Variants in TLL2 observed in about 807,000 individuals in gnomAD.
TLL2 encodes the protein tolloid like 2, also known as tolloid-like protein 2.
TLL2 carries 106 observed loss-of-function variants against 123.0 expected under a neutral mutation model. The observed-to-expected ratio is 0.86, with a 90% CI of 0.74 to 1.01. TLL2 has a LOEUF of 1.01. Ranked by LOEUF, TLL2 falls within the 50% of genes least tolerant of loss-of-function variation. The pLI is 0.00. For synonymous variants in TLL2, 494 were observed against 516.8 expected (o/e 0.96, Z 0.60); for missense variants, 1,332 against 1,336.7 (o/e 1.00, Z 0.06).
At chr10:96,376,572 A>G (rs1846139465) in intron 18 of TLL2, 120 bp downstream of exon 18, 8 of 1,081,840 alleles carry the variant, frequency 7.4e-6, no homozygotes, top group East Asian at 2.8e-5. Flanking sequence ...TGAAACTGAG[A>G]CCTGGAAATG....
At chr10:96,497,988 C>T (rs541879247) in intron 1 of TLL2, among the ~76,000 whole-genome samples, 4 of 152,330 alleles carry the variant, frequency 2.6e-5, no homozygotes, top group South Asian at 2.1e-4. Flanking sequence ...TGAGCTCACA[C>T]GGGCTCCATT....
intron 2 of TLL2, among the ~76,000 whole-genome samples, chr10:96,475,200 T>C (rs1293543580): frequency 1.3e-5 from 2 of 152,088 alleles, no homozygotes; most frequent in African/African-American, 4.8e-5. Flanking sequence ...GGAAGACAAA[T>C]TGGCATGAAA....
intron 7 of TLL2, among the ~76,000 whole-genome samples, chr10:96,419,161 C>G (rs1223597465): frequency 6.6e-6 from 1 of 152,152 alleles, no homozygotes; most frequent in Non-Finnish European, 1.5e-5. Flanking sequence ...CAGGGTGGAT[C>G]CCTCAATGTC....
intron 5 of TLL2, among the ~76,000 whole-genome samples, chr10:96,423,914 T>C (rs1354986840): frequency 2.0e-5 from 3 of 152,080 alleles, no homozygotes; most frequent in Middle Eastern, 3.2e-3. Context: ...GTTGAATGGA[T>C]AAAGAAAATG....
intron 2 of TLL2, among the ~76,000 whole-genome samples, chr10:96,476,252 T>TTGC (rs1249284351): frequency 1.5e-5 from 1 of 68,662 alleles, no homozygotes; most frequent in African/African-American, 4.6e-5. Flanking sequence ...TTTATTTTTG[T>TTGC]TGTTGTTGTT....
Position 96,488,438 on chromosome 10 carries a change from C to T in TLL2, c.176-7979G>A, listed in dbSNP as rs143547129. Among the ~76,000 whole-genome samples the T allele has an allele frequency of 6.1e-4, 93 of 152,340 alleles. 3 individuals are homozygous for T. The East Asian group carries it at 0.014, about 23-fold the overall frequency. On this transcript the variant is annotated intron_variant, in intron 1 of 20. Transcript: ENST00000357947. ...TCAAGGCCCAGAGAGCCCCTTCCCA[C>T]GCCAGCCCGGGCTCCCACACTGCGG...
intron 4 of TLL2, among the ~76,000 whole-genome samples, chr10:96,430,270 G>A (rs747537706): frequency 2.0e-5 from 3 of 152,172 alleles, no homozygotes; most frequent in Admixed American, 1.3e-4. Flanking sequence ...GTTTAAAAGT[G>A]TGTGGTACCT....
intron 1 of TLL2, among the ~76,000 whole-genome samples, chr10:96,512,818 G>A (rs923603696): frequency 2.0e-5 from 3 of 152,246 alleles, no homozygotes; most frequent in African/African-American, 4.8e-5. Flanking sequence ...CCGAGGAAGC[G>A]GGAGCTGCAG....
chr10:96,425,123 T>C (rs1302883647), intron 5 of TLL2, among the ~76,000 whole-genome samples: 1 of 152,044 alleles, frequency 6.6e-6, no homozygotes, highest in Non-Finnish European at 1.5e-5. Flanking sequence ...TATAGGTATA[T>C]TCATTTTGGA....
At chr10:96,434,318 G>A (rs950406183) in intron 3 of TLL2, among the ~76,000 whole-genome samples, 3 of 152,102 alleles carry the variant, frequency 2.0e-5, no homozygotes, top group African/African-American at 7.2e-5. Context: ...TCATTCCAAA[G>A]AGAAACTTTG....
intron 3 of TLL2, among the ~76,000 whole-genome samples, chr10:96,444,998 G>C (rs1316089788): frequency 1.3e-5 from 2 of 152,134 alleles, no homozygotes; most frequent in Non-Finnish European, 2.9e-5. Context: ...GACCATCCTG[G>C]CTAACACGGT....
At position 96,376,652 on chromosome 10, in the gene TLL2, C is replaced by A. The variant is rs756104139; in HGVS notation, c.2448+40G>T. The A allele has an allele frequency of 2.5e-6, 4 of 1,604,258 alleles. No individual in the cohort carries two copies. The East Asian group carries it at 9.1e-5, about 37-fold the overall frequency. On this transcript the variant is annotated intron_variant, in intron 18 of 20. Transcript: ENST00000357947. ...GACTCAAACGCACATCTGCCTGATA[C>A]TCAAGTCCACATTCTCAATAAACTA...
chr10:96,410,757 G>C (rs1424644220), intron 8 of TLL2: 5 of 520,732 alleles, frequency 9.6e-6, no homozygotes, highest in African/African-American at 1.9e-5. Flanking sequence ...GTGTGGCTTG[G>C]GCAAGTTTCC....
chr10:96,420,460 C>T (rs1372419570), intron 7 of TLL2, among the ~76,000 whole-genome samples: 1 of 152,234 alleles, frequency 6.6e-6, no homozygotes, highest in East Asian at 1.9e-4. Flanking sequence ...TCCTTGCTCT[C>T]ACTCCAGTCC....
intron 20 of TLL2, among the ~76,000 whole-genome samples, chr10:96,369,526 C>T (rs1195060521): frequency 2.0e-5 from 3 of 152,166 alleles, no homozygotes; most frequent in South Asian, 2.1e-4. Flanking sequence ...TTTGGAAGGA[C>T]GAGGCAGGTG....
chr10:96,405,274 C>A lies in TLL2; in HGVS notation c.1225G>T (p.Val409Leu), dbSNP rs753376490. 4 of 1,614,046 alleles carry A rather than the reference C, an allele frequency of 2.5e-6. No individual in the cohort carries two copies. Among genetic ancestry groups the A allele is most frequent in the Non-Finnish European group, 2.5e-6 (3 of 1,180,036 alleles). Residue 409 changes from valine (V) to leucine (L), a missense_variant, in exon 10 of 21, where the codon GTG becomes TTG. Transcript: ENST00000357947. ...FKSRLCWYDY[V>L]EVRDGYWRKA... ...CTCCAGTAACCATCCCGGACCTCCA[C>A]GTAATCATACCAGCACAGTCGGCTT...
chr10:96,397,310 G>T lies in TLL2; in HGVS notation c.1268-8C>A, dbSNP rs772483444. 2.4e-5 allele frequency: 38 copies of T among 1,609,494 alleles called. No individual in the cohort carries two copies. The highest frequency in any genetic ancestry group is 3.2e-5 in the Non-Finnish European group (38 of 1,177,448). The stretch of plus-strand genomic sequence containing the variant: ...TATCGCCACAAAACCTGCCTGGAAA[G>T]TGGAAAAAGAAGCAGTTAGGAGCCC... On this transcript the variant is annotated splice_polypyrimidine_tract_variant and splice_region_variant and intron_variant, in intron 10 of 20. Coordinates refer to ENST00000357947, the MANE Select transcript of TLL2 (RefSeq NM_012465.4).
chr10:96,415,749 C>CTCTCTCTCTCTCTG lies in TLL2; in HGVS notation c.924-2434_924-2433insCAGAGAGAGAGAGA, dbSNP rs1846552972. Among the ~76,000 whole-genome samples the CTCTCTCTCTCTCTG allele has an allele frequency of 2.9e-5, 3 of 103,136 alleles. 1 individual carries two copies. The highest frequency in any genetic ancestry group is 1.3e-4 in the African/African-American group (3 of 23,630). The allele number at this position is 103,136 out of a possible 152,430, so 67.7% of individuals were successfully genotyped here. A position where few individuals can be genotyped will look rare whatever the true frequency, so the allele number is the denominator to read the frequency against. On this transcript the variant is annotated intron_variant, in intron 7 of 20. Transcript: ENST00000357947. ...TCTCTGTCTCTCTCTGTCTCTCTCT[C>CTCTCTCTCTCTCTG]TCTCTCTCTCTCTCTCTGTCTCTCT...
rs1272312734 is a variant in TLL2 at position 96,365,036 on chromosome 10, C to CT, written c.*3051dup. 6.6e-6 allele frequency: 1 copy of CT among 152,200 alleles called. No individual in the cohort carries two copies. Among genetic ancestry groups the CT allele is most frequent in the Non-Finnish European group, 1.5e-5 (1 of 68,032 alleles). The allele number at this position is 152,200 out of a possible 1,614,324, so 9.4% of individuals were successfully genotyped here. A position where few individuals can be genotyped will look rare whatever the true frequency, so the allele number is the denominator to read the frequency against. On this transcript the variant is annotated 3_prime_UTR_variant, in exon 21 of 21. Transcript: ENST00000357947. ...ACAGCAGGGGTGTCCCATCTTTTGG[C>CT]TTCCCTGGGCCACATTGGAAGAAGA...
Sources: gnomAD v4.1 joint callset for allele counts (sites outside exome capture counted in the v4.1 genomes callset) on GRCh38, gnomAD v4.1.1 for gene constraint, MANE v1.5 for transcripts, NCBI Gene and HGNC (gene_info 2026-07-23, HGNC 2026-07-21) for gene names.